Variants in NEURL4 observed in about 807,000 individuals in gnomAD.
The protein encoded by NEURL4 is neuralized E3 ubiquitin protein ligase 4, also known as neuralized-like protein 4.
NEURL4 carries 45 observed loss-of-function variants against 148.0 expected under a neutral mutation model. That is an observed-to-expected ratio of 0.30 (90% CI 0.24 to 0.39). NEURL4 has a LOEUF of 0.39. NEURL4 is among the 10% of genes least tolerant of loss of function. The pLI is 1.00. For missense variants in NEURL4, 1,776 were observed against 2,144.0 expected (o/e 0.83, Z 3.39); for synonymous variants, 854 against 869.0 (o/e 0.98, Z 0.30).
chr17:7,319,059 G>T lies in NEURL4; in HGVS notation c.3675C>A (p.Asn1225Lys). The T allele has an allele frequency of 6.2e-7, 1 of 1,611,878 alleles. No individual in the cohort carries two copies. The highest frequency in any genetic ancestry group is 8.5e-7 in the Non-Finnish European group (1 of 1,178,948). ...TCTGGCTCCTACTCACCTTGAGACC[G>T]TTGTGGAAGACCCCACGGCCCCGCA... is the stretch of plus-strand genomic sequence containing the variant. ...WLLRGRGVFH[N>K]GLKICEKFGP... Residue 1225 changes from asparagine to lysine, a missense_variant, in exon 22 of 29, where the codon AAC becomes AAA. Coordinates refer to ENST00000399464, the MANE Select transcript of NEURL4 (RefSeq NM_032442.3).
intron 21 of NEURL4, among the ~76,000 whole-genome samples, 167 bp downstream of exon 21, chr17:7,320,592 G>A (rs958509984): frequency 2.6e-5 from 4 of 152,176 alleles, no homozygotes; most frequent in Non-Finnish European, 4.4e-5. Flanking sequence ...TAGGGACTTC[G>A]TGGTAACTGA....
Position 7,318,600 on chromosome 17 carries a change from A to C in NEURL4, c.3759T>G (p.Ser1253=). The C allele has an allele frequency of 1.2e-6, 2 of 1,614,030 alleles. No homozygotes were observed. The highest frequency in any genetic ancestry group is 1.7e-6 in the Non-Finnish European group (2 of 1,179,970). Residue 1253 remains serine (S), a synonymous_variant, in exon 23 of 29, where the codon TCT becomes TCG. Coordinates refer to ENST00000399464, the MANE Select transcript of NEURL4 (RefSeq NM_032442.3). This position sits in a 1 kb window ranked among gnomAD's most constrained non-coding sequence, Gnocchi z 4.3. ...CATTAACATGAAGATGCAGCCCCCC[A>C]GAGCTGTCCAGCCGCAGTCCCAGGA... is the stretch of plus-strand genomic sequence containing the variant. ...GTILGLRLDS[S]GGLHLHVNGV...
chr17:7,320,811 T>C lies in NEURL4; in HGVS notation c.3473A>G (p.Asn1158Ser). Residue 1158 changes from asparagine to serine, a missense_variant, in exon 21 of 29, where the codon AAT (asparagine) becomes AGT (serine). Physicochemically the swap from Asn to Ser is conservative, Grantham distance 46 (BLOSUM62 1). Transcript: ENST00000399464. ...TTGGTTGATGACAACGATGCCCTGA[T>C]TGTAGCTGGCCACCCGTGTGGCCGT... is the stretch of plus-strand genomic sequence containing the variant. ...NRTATRVASY[N>S]QGIVVINQPL... The C allele has an allele frequency of 1.9e-6, 3 of 1,614,148 alleles. No homozygotes were observed. The highest frequency in any genetic ancestry group is 2.5e-6 in the Non-Finnish European group (3 of 1,180,010).
rs2073116152 is a variant in NEURL4, at chr17:7,327,371, C to T, written c.727+69G>A. Reference sequence around the variant, plus strand: ...TCAGGGTGGCCCTGCCCACACCCAGCCTGTCTTGTCACTCTATTTCCCCCA... The same window carrying T: ...TCAGGGTGGCCCTGCCCACACCCAGTCTGTCTTGTCACTCTATTTCCCCCA... On this transcript the variant is annotated intron_variant, in intron 2 of 28. Transcript: ENST00000399464. This position sits in a 1 kb window ranked among gnomAD's most constrained non-coding sequence, Gnocchi z 6.6. 6.9e-7 allele frequency: 1 copy of T among 1,459,316 alleles called. No homozygotes were observed. The highest frequency in any genetic ancestry group is 9.3e-7 in the Non-Finnish European group (1 of 1,076,444). The allele number at this position is 1,459,316 out of a possible 1,614,324, so 90.4% of individuals were successfully genotyped here. A position where few individuals can be genotyped will look rare whatever the true frequency, so the allele number is the denominator to read the frequency against.
chr17:7,325,689 T>C lies in NEURL4; in HGVS notation c.1318A>G (p.Arg440Gly). ...LQEGDHIGLT[R>G]KSNSALHFFI... ...AAGTGTAGGGCAGAGTTGGACTTCC[T>C]TGTGAGGCCAATGTGGTCACCCTCC... is the stretch of plus-strand genomic sequence containing the variant. The change falls in exon 7 of 29, where the codon AGG becomes GGG. Residue 440 changes from arginine (R) to glycine (G), a missense_variant. By Grantham distance (125) the Arg-to-Gly change is moderately radical. Coordinates refer to ENST00000399464, the MANE Select transcript of NEURL4 (RefSeq NM_032442.3). 6.2e-7 allele frequency: 1 copy of C among 1,613,714 alleles called. No individual in the cohort carries two copies. Among genetic ancestry groups the C allele is most frequent in the Non-Finnish European group, 8.5e-7 (1 of 1,179,886 alleles).
At position 7,322,034 on chromosome 17, in the gene NEURL4, A is replaced by G; in HGVS notation, c.2726-24T>C. On this transcript the variant is annotated intron_variant, in intron 16 of 28. Coordinates refer to ENST00000399464, the MANE Select transcript of NEURL4 (RefSeq NM_032442.3). This position sits in a 1 kb window ranked among gnomAD's most constrained non-coding sequence, Gnocchi z 5.5. ...CACTGTGAAGAGATGGCACCAGTAG[A>G]AGGGGTAGGATTGGGGCAGCGAGCT... is the stretch of plus-strand genomic sequence containing the variant. 6.3e-7 allele frequency: 1 copy of G among 1,587,246 alleles called. No individual in the cohort carries two copies. The highest frequency in any genetic ancestry group is 8.6e-7 in the Non-Finnish European group (1 of 1,168,642).
At position 7,323,936 on chromosome 17, in the gene NEURL4, C is replaced by T. The variant is rs2073065481; in HGVS notation, c.2139G>A (p.Gly713=). The T allele has an allele frequency of 1.2e-6, 2 of 1,613,356 alleles. No homozygotes were observed. Among genetic ancestry groups the T allele is most frequent in the Non-Finnish European group, 1.7e-6 (2 of 1,180,032 alleles). The change falls in exon 12 of 29, where the codon GGG becomes GGA. Residue 713 remains glycine (G), a synonymous_variant. Transcript: ENST00000399464. The part of the protein sequence containing the change: ...VSPSSPSSGA[G]GSDLRFHQLH... The stretch of plus-strand genomic sequence containing the variant: ...GCTGATGGAAGCGCAGGTCAGAGCC[C>T]CCGGCCCCTGAGGACGGAGAGCTTG...
At position 7,326,394 on chromosome 17, in the gene NEURL4, G is replaced by A; in HGVS notation, c.1204+43C>T. 1 of 1,613,368 alleles carries A rather than the reference G, an allele frequency of 6.2e-7. No homozygotes were observed. The highest frequency in any genetic ancestry group is 8.5e-7 in the Non-Finnish European group (1 of 1,179,330). On this transcript the variant is annotated intron_variant, in intron 5 of 28. Coordinates refer to ENST00000399464, the MANE Select transcript of NEURL4 (RefSeq NM_032442.3). The surrounding 1 kb of genome is among the most constrained non-coding windows in gnomAD (Gnocchi z 6.0). Reference sequence around the variant, plus strand: ...CGGGTACGGGGCTTCCTTCCCCTCAGCAACACCAGGCCTGCACCCCCGCCC... The same window carrying A: ...CGGGTACGGGGCTTCCTTCCCCTCAACAACACCAGGCCTGCACCCCCGCCC...
chr17:7,320,099 C>T (rs978627355), intron 21 of NEURL4, among the ~76,000 whole-genome samples: 3 of 151,614 alleles, frequency 2.0e-5, no homozygotes, highest in South Asian at 2.1e-4. Flanking sequence ...CAAAGTGTTG[C>T]GATTACAGGC....
Position 7,326,877 on chromosome 17 carries a change from G to A in NEURL4, c.926C>T (p.Ser309Leu), listed in dbSNP as rs538263019. 1.2e-5 allele frequency: 19 copies of A among 1,614,014 alleles called. No individual in the cohort carries two copies. In the African/African-American group the frequency reaches 1.3e-4, roughly 11 times the overall value. ...EGLGSSGAAT[S>L]PILTSNDALL... ...GGCATCGTTGGAAGTGAGAATGGGC[G>A]AGGTGGCAGCACCGCTAGATCCCAG... The change falls in exon 4 of 29, where the codon TCG (serine) becomes TTG (leucine). Residue 309 changes from serine to leucine, a missense_variant. By Grantham distance (145) the Ser-to-Leu change is moderately radical (BLOSUM62 -2). Transcript: ENST00000399464. This position sits in a 1 kb window ranked among gnomAD's most constrained non-coding sequence, Gnocchi z 6.0.
chr17:7,316,205 T>A lies in NEURL4; in HGVS notation c.4607A>T (p.His1536Leu). 6.2e-7 allele frequency: 1 copy of A among 1,611,450 alleles called. No individual in the cohort carries two copies. Among genetic ancestry groups the A allele is most frequent in the Non-Finnish European group, 8.5e-7 (1 of 1,177,662 alleles). Residue 1536 changes from histidine to leucine, a missense_variant, in exon 29 of 29, where the codon CAC becomes CTC. By Grantham distance (99) the His-to-Leu change is moderately conservative. Coordinates refer to ENST00000399464, the MANE Select transcript of NEURL4 (RefSeq NM_032442.3). ...CCACTCAAGTTCGGCTGGACTGAAG[T>A]GAGGGTCAGGAGGTTCTCCAAGGGC... is the stretch of plus-strand genomic sequence containing the variant. ...SAALGEPPDP[H>L]FSPAELEWVT...
In NEURL4 at chr17:7,329,177, G is replaced by A. The variant is rs757895361; in HGVS notation, c.136C>T (p.Pro46Ser). ...GGLGSGGELH[P>S]RTGRLVSLSA... is the part of the protein sequence containing the mutation. ...AGGCTCACCAAGCGCCCAGTGCGCG[G>A]GTGCAGTTCCCCGCCGCTGCCCAGA... The change falls in exon 1 of 29, where the codon CCG (proline) becomes TCG (serine). Residue 46 changes from proline (P) to serine (S), a missense_variant. Pro to Ser is a moderately conservative substitution (Grantham distance 74). Transcript: ENST00000399464. 1.2e-4 allele frequency: 199 copies of A among 1,595,808 alleles called. No individual in the cohort carries two copies. Among genetic ancestry groups the A allele is most frequent in the Non-Finnish European group, 1.7e-4 (194 of 1,173,968 alleles).
rs2073115566 is a variant in NEURL4, at chr17:7,327,317, C to T, written c.728-87G>A. The T allele has an allele frequency of 6.2e-6, 9 of 1,455,656 alleles. No individual in the cohort carries two copies. In the South Asian group the frequency reaches 1.1e-4, roughly 17 times the overall value. 90.2% of individuals were successfully genotyped at this position (1,455,656 alleles called of 1,614,324 possible). ...CAGGAGAACCCCCCATCCTCTAGCT[C>T]CTGCTCTCCCATTCAACAGACTTGG... On this transcript the variant is annotated intron_variant, in intron 2 of 28. Coordinates refer to ENST00000399464, the MANE Select transcript of NEURL4 (RefSeq NM_032442.3). The surrounding 1 kb of genome is among the most constrained non-coding windows in gnomAD (Gnocchi z 6.6).
rs1164737964 is a variant in NEURL4, at chr17:7,327,184, G to A, written c.774C>T (p.Asn258=). ...PAQARPETFP[N]SLESHNDFAN... ...CCTCACCATTATGCGACTCAAGGCT[G>A]TTAGGAAACGTCTCCGGCCGGGCCT... Residue 258 remains asparagine, a synonymous_variant, in exon 3 of 29, where the codon AAC becomes AAT. Transcript: ENST00000399464. This position sits in a 1 kb window ranked among gnomAD's most constrained non-coding sequence, Gnocchi z 6.6. 1 of 1,612,504 alleles carries A rather than the reference G, an allele frequency of 6.2e-7. No homozygotes were observed. Among genetic ancestry groups the A allele is most frequent in the Non-Finnish European group, 8.5e-7 (1 of 1,179,864 alleles).
At chr17:7,325,798 T>G (rs1335632236) in intron 6 of NEURL4, 85 bp from the exon 7 acceptor site, 7 of 1,125,280 alleles carry the variant, frequency 6.2e-6, no homozygotes, top group Admixed American at 3.4e-5. Flanking sequence ...CAGAAGGTAT[T>G]CGTGAGAGTC....
At position 7,318,102 on chromosome 17, in the gene NEURL4, G is replaced by A. The variant is rs1484091127; in HGVS notation, c.4023C>T (p.Ala1341=). The A allele has an allele frequency of 6.2e-7, 1 of 1,614,178 alleles. No homozygotes were observed. The highest frequency in any genetic ancestry group is 1.1e-5 in the South Asian group (1 of 91,082). ...ASPLKSCEYH[A]LCSRFQELLL... ...GGAGTTCTTGGAAGCGAGAGCAAAG[G>A]GCATGGTACTCGCAGCTCTTTAGAG... The change falls in exon 25 of 29, where the codon GCC becomes GCT. Residue 1341 remains alanine, a synonymous_variant. Transcript: ENST00000399464. The surrounding 1 kb of genome is among the most constrained non-coding windows in gnomAD (Gnocchi z 4.3).
Position 7,326,653 on chromosome 17 carries a change from A to G in NEURL4, c.1092+58T>C, listed in dbSNP as rs2073106499. 1.2e-6 allele frequency: 2 copies of G among 1,604,488 alleles called. No homozygotes were observed. The highest frequency in any genetic ancestry group is 1.3e-5 in the African/African-American group (1 of 74,570). ...CCCACCCTCCTAGCACCAAGGGTCA[A>G]TCCCCATCTTTAGCTCCCAGGGATA... is the stretch of plus-strand genomic sequence containing the variant. On this transcript the variant is annotated intron_variant, in intron 4 of 28. Transcript: ENST00000399464. This position sits in a 1 kb window ranked among gnomAD's most constrained non-coding sequence, Gnocchi z 6.0.
rs750224821 is a variant in NEURL4 at position 7,325,345 on chromosome 17, G to A, written c.1495C>T (p.Arg499Trp). Reference protein sequence around the residue: ...DRLRRNNAILRALSPEGALRR... With the variant: ...DRLRRNNAILWALSPEGALRR... ...AGAGCACCCTCGGGGGACAGCGCCC[G>A]CAGGATGGCGTTGTTTCGGCGGAGA... The change falls in exon 8 of 29, where the codon CGG becomes TGG. Residue 499 changes from arginine (R) to tryptophan (W), a missense_variant. Physicochemically the swap from Arg to Trp is moderately radical, Grantham distance 101. Coordinates refer to ENST00000399464, the MANE Select transcript of NEURL4 (RefSeq NM_032442.3). 5 of 1,613,418 alleles carry A rather than the reference G, an allele frequency of 3.1e-6. No homozygotes were observed. The highest frequency in any genetic ancestry group is 1.3e-5 in the African/African-American group (1 of 75,014).
chr17:7,322,105 A>T lies in NEURL4; in HGVS notation c.2726-95T>A. ...AGCTTTCAGATGAAACGAAATGGGG[A>T]TGCCAACGCCCCATCTGCCATCTGC... On this transcript the variant is annotated intron_variant, in intron 16 of 28. Transcript: ENST00000399464. The surrounding 1 kb of genome is among the most constrained non-coding windows in gnomAD (Gnocchi z 5.5). The T allele has an allele frequency of 2.9e-6, 4 of 1,395,954 alleles. No individual in the cohort carries two copies. The highest frequency in any genetic ancestry group is 3.9e-6 in the Non-Finnish European group (4 of 1,035,352). 86.5% of individuals were successfully genotyped at this position (1,395,954 alleles called of 1,614,324 possible).
Sources: allele counts gnomAD v4.1 joint callset (sites outside exome capture counted in the v4.1 genomes callset), GRCh38; gene constraint gnomAD v4.1.1; non-coding constraint Gnocchi (gnomAD v3.1); transcripts MANE v1.5; gene names NCBI Gene and HGNC (gene_info 2026-07-23, HGNC 2026-07-21).